The following PCGF6 variants were observed in gnomAD, a reference collection of about 807,000 sequenced individuals.
PCGF6 encodes the protein polycomb group RING finger protein 6.
Under a neutral mutation model 45.5 loss-of-function variants are expected in PCGF6, and 24 were observed. The observed-to-expected ratio is 0.53, with a 90% CI of 0.38 to 0.74. The LOEUF (loss-of-function observed/expected upper bound fraction) is 0.74, where lower values mean the gene tolerates loss of function less well. PCGF6 is among the 30% of genes least tolerant of loss of function. The pLI is 0.00. For missense variants in PCGF6, 356 were observed against 443.2 expected (o/e 0.80, Z 1.77); for synonymous variants, 152 against 162.1 (o/e 0.94, Z 0.47).
At chr10:103,345,000 A>G (rs1262754821) in intron 6 of PCGF6, 24 bp downstream of exon 6, 2 of 1,466,278 alleles carry the variant, frequency 1.4e-6, no homozygotes, top group Non-Finnish European at 1.9e-6. Context: ...TTTAAGTTAA[A>G]AGGTAAATTT....
At chr10:103,313,763 T>C (rs548861676) in intron 9 of PCGF6, among the ~76,000 whole-genome samples, 3 of 152,198 alleles carry the variant, frequency 2.0e-5, no homozygotes, top group Non-Finnish European at 4.4e-5. Context: ...CAAGTTTTTC[T>C]TGAAATGTCC....
chr10:103,313,979 T>C (rs1031254868), intron 9 of PCGF6, among the ~76,000 whole-genome samples: 2 of 152,174 alleles, frequency 1.3e-5, no homozygotes, highest in African/African-American at 4.8e-5. Context: ...TTAGAATAAT[T>C]ATGAAGAATA....
rs200864871 is a variant in PCGF6 at position 103,348,894 on chromosome 10, G to T, written c.460+6C>A. On this transcript the variant is annotated splice_donor_region_variant and intron_variant, in intron 2 of 9. Transcript: ENST00000369847. ...AATTATTCAGAAATGTGATCGGTAT[G>T]CTTACAGGTATGAAGACATTCTGTG... 6.2e-7 allele frequency: 1 copy of T among 1,608,256 alleles called. No individual in the cohort carries two copies. The highest frequency in any genetic ancestry group is 2.2e-5 in the East Asian group (1 of 44,840).
chr10:103,328,049 G>GT (rs1564729255), intron 7 of PCGF6, among the ~76,000 whole-genome samples: 2 of 152,040 alleles, frequency 1.3e-5, no homozygotes, highest in Non-Finnish European at 2.9e-5. Context: ...GGACCCAATA[G>GT]TTTGAGGTGT....
chr10:103,340,198 A>AATATATAT (rs1191965991), intron 6 of PCGF6, among the ~76,000 whole-genome samples: 12 of 87,898 alleles, frequency 1.4e-4, no homozygotes, highest in African/African-American at 2.7e-4. Context: ...AAAAAAAAAA[A>AATATATAT]ATATATATAT....
intron 8 of PCGF6, among the ~76,000 whole-genome samples, chr10:103,315,385 A>C (rs973729007): frequency 6.6e-6 from 1 of 151,636 alleles, no homozygotes; most frequent in Non-Finnish European, 1.5e-5. Flanking sequence ...TTTGAGATGG[A>C]GTCTCGCTCT....
intron 7 of PCGF6, among the ~76,000 whole-genome samples, chr10:103,328,845 G>A (rs759359678): frequency 4.0e-5 from 6 of 151,664 alleles, no homozygotes; most frequent in Admixed American, 1.3e-4. Context: ...TCTGCCTTCC[G>A]GATTCAAGCG....
At chr10:103,343,888 T>G (rs897297766) in intron 6 of PCGF6, among the ~76,000 whole-genome samples, 1 of 142,482 alleles carries the variant, frequency 7.0e-6, no homozygotes, top group Non-Finnish European at 1.5e-5. Flanking sequence ...TCAGGTAAAG[T>G]TGAAGAGGAA....
Position 103,350,840 on chromosome 10 carries a change from C to A in PCGF6, c.227G>T (p.Arg76Leu), listed in dbSNP as rs1195752644. ...PERSLGRFRGRFEDEDEELEE... is the reference protein window; with the variant it reads ...PERSLGRFRGLFEDEDEELEE... ...CAACTCCTCGTCCTCGTCCTCGAAG[C>A]GGCCTCTGAAGCGGCCCAGGCTGCG... is the stretch of plus-strand genomic sequence containing the variant. Residue 76 changes from arginine (R) to leucine (L), a missense_variant, in exon 1 of 10, where the codon CGC (arginine) becomes CTC (leucine). Physicochemically the swap from Arg to Leu is moderately radical, Grantham distance 102. Transcript: ENST00000369847. The A allele has an allele frequency of 3.9e-6, 6 of 1,545,170 alleles. No individual in the cohort carries two copies. Among genetic ancestry groups the A allele is most frequent in the Non-Finnish European group, 5.2e-6 (6 of 1,144,912 alleles).
At chr10:103,311,538 G>A (rs1307910225) in intron 9 of PCGF6, among the ~76,000 whole-genome samples, 2 of 151,110 alleles carry the variant, frequency 1.3e-5, no homozygotes, top group Non-Finnish European at 3.0e-5. Flanking sequence ...GACCTCCCGG[G>A]CTTGAAGCGA....
At position 103,350,696 on chromosome 10, in the gene PCGF6, G is replaced by A. The variant is rs1057032480; in HGVS notation, c.360+11C>T. The A allele has an allele frequency of 1.4e-6, 2 of 1,477,930 alleles. No homozygotes were observed. The highest frequency in any genetic ancestry group is 1.8e-6 in the Non-Finnish European group (2 of 1,108,802). The allele number at this position is 1,477,930 out of a possible 1,614,324, so 91.6% of individuals were successfully genotyped here. A position where few individuals can be genotyped will look rare whatever the true frequency, so the allele number is the denominator to read the frequency against. ...TTGGGCCCAGCGGGGTCGCGCGGGG[G>A]CTCTAAATACCTCCTCCTCGTCCTC... On this transcript the variant is annotated intron_variant, in intron 1 of 9. Coordinates refer to ENST00000369847, the MANE Select transcript of PCGF6 (RefSeq NM_001011663.2).
Position 103,345,090 on chromosome 10 carries a change from T to G in PCGF6, c.716A>C (p.Lys239Thr), listed in dbSNP as rs1473524515. The G allele has an allele frequency of 1.2e-6, 2 of 1,613,338 alleles. No homozygotes were observed. The highest frequency in any genetic ancestry group is 1.7e-6 in the Non-Finnish European group (2 of 1,179,544). Residue 239 changes from lysine (K) to threonine (T), a missense_variant, in exon 6 of 10, where the codon AAA (lysine) becomes ACA (threonine). Physicochemically the swap from Lys to Thr is moderately conservative, Grantham distance 78. This residue lies in a region of PCGF6 where 307 missense variants were observed against 350.1 expected (regional missense o/e 0.88). Coordinates refer to ENST00000369847, the MANE Select transcript of PCGF6 (RefSeq NM_001011663.2). ...PVPSSKGRSKKVLESVFRIPP... is the reference protein window; with the variant it reads ...PVPSSKGRSKTVLESVFRIPP... ...AATACGAAACACTGATTCTAGGACTTTTTTAGATCTTCCTTTGCTTGAAGG... is the reference window on the plus strand; with the variant it reads ...AATACGAAACACTGATTCTAGGACTGTTTTAGATCTTCCTTTGCTTGAAGG...
intron 9 of PCGF6, among the ~76,000 whole-genome samples, chr10:103,308,040 G>A (rs750248331): frequency 3.9e-5 from 6 of 152,082 alleles, no homozygotes; most frequent in South Asian, 2.1e-4. Flanking sequence ...GTTCAAGACC[G>A]GCCTGGATGT....
chr10:103,304,169 C>T (rs1160566094), intron 9 of PCGF6, among the ~76,000 whole-genome samples: 1 of 149,346 alleles, frequency 6.7e-6, no homozygotes, highest in Non-Finnish European at 1.5e-5. Context: ...CAGAGTCTCA[C>T]TCTGTTGCCC....
chr10:103,346,641 C>T (rs759913090), intron 5 of PCGF6, among the ~76,000 whole-genome samples: 4 of 151,854 alleles, frequency 2.6e-5, no homozygotes, highest in Non-Finnish European at 4.4e-5. Flanking sequence ...AATAAAAATA[C>T]AAAATTAGCC....
intron 9 of PCGF6, among the ~76,000 whole-genome samples, chr10:103,313,371 T>G (rs1208253943): frequency 6.6e-6 from 1 of 152,082 alleles, no homozygotes; most frequent in Non-Finnish European, 1.5e-5. Context: ...TTGAGACAAG[T>G]CTGGCTAACA....
At chr10:103,347,025 T>C (rs1436845620) in intron 5 of PCGF6, among the ~76,000 whole-genome samples, 1 of 152,166 alleles carries the variant, frequency 6.6e-6, no homozygotes, top group Non-Finnish European at 1.5e-5. Flanking sequence ...ATACACCTCA[T>C]AAAGTGGCAG....
In PCGF6 at chr10:103,351,083, A is replaced by C. The variant is rs2093320013; in HGVS notation, c.-17T>G. 7.4e-7 allele frequency: 1 copy of C among 1,350,640 alleles called. No individual in the cohort carries two copies. The highest frequency in any genetic ancestry group is 1.5e-5 in the African/African-American group (1 of 66,466). 83.7% of individuals were successfully genotyped at this position (1,350,640 alleles called of 1,614,324 possible). On this transcript the variant is annotated 5_prime_UTR_variant, in exon 1 of 10. Transcript: ENST00000369847. ...CCCCTCCATGGTCGGGAGAGACACCAGGCGAGGCGAGGCGGCGGGAGAGCG... is the reference window on the plus strand; with the variant it reads ...CCCCTCCATGGTCGGGAGAGACACCCGGCGAGGCGAGGCGGCGGGAGAGCG...
chr10:103,317,113 C>T (rs1265850836), intron 8 of PCGF6, among the ~76,000 whole-genome samples: 3 of 152,146 alleles, frequency 2.0e-5, no homozygotes, highest in South Asian at 2.1e-4. Context: ...CAGGTTGAAG[C>T]GATTCTCATG....
Sources: allele counts gnomAD v4.1 joint callset (sites outside exome capture counted in the v4.1 genomes callset), GRCh38; gene constraint gnomAD v4.1.1; regional missense constraint gnomAD v4.1.1; transcripts MANE v1.5; gene names NCBI Gene and HGNC (gene_info 2026-07-23, HGNC 2026-07-21).